GPHN: variants seen among roughly 807,000 people sequenced by gnomAD.
GPHN encodes gephyrin.
In GPHN, 17 loss-of-function variants were observed where a neutral mutation model predicts 95.5. The ratio of observed to expected loss-of-function variants is 0.18; its 90% CI spans 0.12 to 0.27. The LOEUF (loss-of-function observed/expected upper bound fraction) is 0.27, where lower values mean the gene tolerates loss of function less well. GPHN is among the 10% of genes least tolerant of loss of function. The pLI is 1.00. For missense variants in GPHN, 660 were observed against 978.1 expected (o/e 0.67, Z 4.34); for synonymous variants, 320 against 322.5 (o/e 0.99, Z 0.08).
At chr14:66,528,888 C>T (rs149047674) in intron 1 of GPHN, among the ~76,000 whole-genome samples, 1 of 152,240 alleles carries the variant, frequency 6.6e-6, no homozygotes, top group East Asian at 1.9e-4. Context: ...CTCTGGCTGC[C>T]ATTAACATTT....
the GPHN span, chr14:67,323,613 C>CA: frequency 0.018 from 4,518 of 252,354 alleles, 100 homozygotes; most frequent in African/African-American, 0.078. Context: ...GTCCCTTAAT[C>CA]TAATATATAT....
At chr14:66,918,659 T>A (rs2066041585) in intron 6 of GPHN, among the ~76,000 whole-genome samples, 1 of 152,172 alleles carries the variant, frequency 6.6e-6, no homozygotes, top group African/African-American at 2.4e-5. Flanking sequence ...CCCTCATTCC[T>A]GAACTGCAGT....
intron 9 of GPHN, among the ~76,000 whole-genome samples, chr14:66,987,623 C>A (rs1347215121): frequency 1.3e-5 from 2 of 152,074 alleles, no homozygotes; most frequent in East Asian, 3.9e-4. Flanking sequence ...AATATCTTTA[C>A]TCCATGTTTC....
At chr14:66,675,901 T>A (rs1174063823) in intron 1 of GPHN, among the ~76,000 whole-genome samples, 2 of 152,084 alleles carry the variant, frequency 1.3e-5, no homozygotes, top group South Asian at 2.1e-4. Flanking sequence ...CTTTCCTGAT[T>A]TTTTTTTCAG....
chr14:67,405,224 C>CAAA, the GPHN span, among the ~76,000 whole-genome samples: 25 of 40,128 alleles, frequency 6.2e-4, no homozygotes, highest in East Asian at 1.4e-3. Flanking sequence ...GAGTCCATCT[C>CAAA]AAAAAAAAAA....
the GPHN span, chr14:67,383,506 CT>C: frequency 6.3e-7 from 1 of 1,595,402 alleles, no homozygotes; most frequent in African/African-American, 1.3e-5. Flanking sequence ...AAATCCTAGA[CT>C]TGAAAGTTTT....
the GPHN span, among the ~76,000 whole-genome samples, chr14:67,451,022 C>G: frequency 1.3e-5 from 2 of 152,226 alleles, no homozygotes; most frequent in Admixed American, 6.5e-5. Context: ...CCCAGCTGTT[C>G]TAGCCATGGC....
the GPHN span, among the ~76,000 whole-genome samples, chr14:67,207,489 T>G: frequency 2.0e-5 from 3 of 151,518 alleles, no homozygotes; most frequent in Non-Finnish European, 4.4e-5. Context: ...CTAGGCCCAC[T>G]TCCAACATTG....
chr14:67,499,321 A>G, the GPHN span, among the ~76,000 whole-genome samples: 1 of 152,196 alleles, frequency 6.6e-6, no homozygotes, highest in Admixed American at 6.5e-5. Context: ...TTTTATTGAT[A>G]TCAACTGGGT....
At chr14:66,699,690 C>A (rs1480233604) in intron 2 of GPHN, among the ~76,000 whole-genome samples, 1 of 152,148 alleles carries the variant, frequency 6.6e-6, no homozygotes, top group Non-Finnish European at 1.5e-5. Context: ...TCTTCAACTT[C>A]ACCTCTCACT....
chr14:67,721,990 G>T, the GPHN span, among the ~76,000 whole-genome samples: 1 of 152,058 alleles, frequency 6.6e-6, no homozygotes, highest in Non-Finnish European at 1.5e-5. Flanking sequence ...GCAGAAAAGT[G>T]CACAAGTCGA....
At chr14:67,491,977 C>T in the GPHN span, among the ~76,000 whole-genome samples, 2 of 152,176 alleles carry the variant, frequency 1.3e-5, no homozygotes, top group Non-Finnish European at 2.9e-5. Flanking sequence ...CCCCTCTGTG[C>T]CCCTTGCTCT....
intron 1 of GPHN, among the ~76,000 whole-genome samples, chr14:66,610,951 G>T (rs2062755290): frequency 6.6e-6 from 1 of 152,064 alleles, no homozygotes; most frequent in South Asian, 2.1e-4. Context: ...GATATCCAGG[G>T]TGATCAGTTA....
the GPHN span, among the ~76,000 whole-genome samples, chr14:67,357,561 A>G: frequency 6.6e-6 from 1 of 152,198 alleles, no homozygotes; most frequent in African/African-American, 2.4e-5. Context: ...TCTTAGTCTC[A>G]AAGTAAAAGT....
the GPHN span, among the ~76,000 whole-genome samples, chr14:67,277,991 T>C: frequency 6.6e-6 from 1 of 152,266 alleles, no homozygotes; most frequent in East Asian, 1.9e-4. Flanking sequence ...GATACAACCG[T>C]TTTCTCTAAA....
intron 10 of GPHN, among the ~76,000 whole-genome samples, chr14:67,034,432 C>T (rs1594883685): frequency 6.6e-6 from 1 of 152,070 alleles, no homozygotes; most frequent in African/African-American, 2.4e-5. Context: ...CAGAAAACAA[C>T]ATGTGCCAAT....
At chr14:67,521,454 C>A in the GPHN span, among the ~76,000 whole-genome samples, 2 of 152,110 alleles carry the variant, frequency 1.3e-5, no homozygotes, top group African/African-American at 4.8e-5. Context: ...ATTTTGGTAT[C>A]CATATGTCCA....
intron 2 of GPHN, among the ~76,000 whole-genome samples, chr14:66,756,026 G>T (rs1031107384): frequency 1.1e-4 from 16 of 152,048 alleles, no homozygotes; most frequent in Admixed American, 4.6e-4. Flanking sequence ...ATTATAAGTT[G>T]TATAAACACA....
chr14:67,695,641 C>CGCA, the GPHN span: 1 of 1,614,018 alleles, frequency 6.2e-7, no homozygotes, highest in Non-Finnish European at 8.5e-7. Context: ...TGATTTGGGG[C>CGCA]GCAGCCATAT....
Sources: gnomAD v4.1 joint callset for allele counts (sites outside exome capture counted in the v4.1 genomes callset) on GRCh38, gnomAD v4.1.1 for gene constraint, MANE v1.5 for transcripts, NCBI Gene and HGNC (gene_info 2026-07-23, HGNC 2026-07-21) for gene names.